Variants in EPHA3 observed in about 807,000 individuals in gnomAD.
The protein encoded by EPHA3 is EPH receptor A3.
EPHA3 carries 42 observed loss-of-function variants against 107.1 expected under a neutral mutation model. That is an observed-to-expected ratio of 0.39 (90% CI 0.31 to 0.51). The LOEUF is 0.51. Ranked by LOEUF, EPHA3 falls within the 20% of genes least tolerant of loss-of-function variation. The probability of loss-of-function intolerance (pLI) is 0.78; values close to 1 mark genes in which losing one functional copy is unlikely to be tolerated. For synonymous variants in EPHA3, 461 were observed against 424.8 expected, an observed-to-expected ratio of 1.09 and a Z score of -1.05; for missense variants, 1,183 against 1,211.2, an observed-to-expected ratio of 0.98 and a Z score of 0.35.
chr3:89,143,978 C>G (rs1704484161), intron 2 of EPHA3, among the ~76,000 whole-genome samples: 1 of 151,494 alleles, frequency 6.6e-6, no homozygotes, highest in Non-Finnish European at 1.5e-5. Flanking sequence ...ACAGAGAGTT[C>G]ACATATATTC....
chr3:89,325,812 T>C (rs1464615454), intron 3 of EPHA3, among the ~76,000 whole-genome samples: 1 of 151,990 alleles, frequency 6.6e-6, no homozygotes, highest in African/African-American at 2.4e-5. Flanking sequence ...TTCTTTTCTA[T>C]GCCAACTTAA....
chr3:89,270,986 TTAA>T (rs1246456006), intron 3 of EPHA3, among the ~76,000 whole-genome samples: 2 of 152,088 alleles, frequency 1.3e-5, no homozygotes, highest in Admixed American at 6.6e-5. Flanking sequence ...GGGATTGGTC[TTAA>T]TAATACTTTT....
At chr3:89,218,597 ACGTTTGCATG>A in intron 3 of EPHA3, among the ~76,000 whole-genome samples, 1 of 152,144 alleles carries the variant, frequency 6.6e-6, no homozygotes, top group Non-Finnish European at 1.5e-5. Flanking sequence ...CAATAAACAT[ACGTTTGCATG>A]TGTCTTTATA....
intron 3 of EPHA3, among the ~76,000 whole-genome samples, chr3:89,313,219 T>C (rs1019222211): frequency 3.3e-5 from 5 of 152,052 alleles, no homozygotes; most frequent in African/African-American, 1.2e-4. Flanking sequence ...TATTTTTGTT[T>C]CTAAATTTAA....
rs929829692 is a variant in EPHA3 at position 89,468,284 on chromosome 3, C to T, written c.2691-4180C>T. 2.6e-5 allele frequency among the ~76,000 whole-genome samples: 4 copies of T among 151,402 alleles called. No homozygotes were observed. The East Asian group carries it at 7.8e-4, about 30-fold the overall frequency. ...TTTTTTGTCTTGGATGCACTTTGAT[C>T]CAAGTCATAAACAGACAAACTCAGT... is the stretch of plus-strand genomic sequence containing the variant. On this transcript the variant is annotated intron_variant, in intron 15 of 16. Transcript: ENST00000336596.
chr3:89,131,227 G>C (rs904014051), intron 2 of EPHA3, among the ~76,000 whole-genome samples: 1 of 152,106 alleles, frequency 6.6e-6, no homozygotes, highest in African/African-American at 2.4e-5. Flanking sequence ...GCAGACTGAA[G>C]CAGTTACCTT....
intron 15 of EPHA3, among the ~76,000 whole-genome samples, chr3:89,454,141 G>T (rs1011520453): frequency 6.6e-6 from 1 of 152,084 alleles, no homozygotes. Context: ...TTATAAAAAT[G>T]CCAGGTGATT....
intron 6 of EPHA3, 43 bp from the exon 7 acceptor site, chr3:89,399,275 G>A: frequency 6.4e-7 from 1 of 1,560,664 alleles, no homozygotes; most frequent in Non-Finnish European, 8.8e-7. Context: ...ATAGCATTAT[G>A]AAGATTTGAT....
intron 3 of EPHA3, among the ~76,000 whole-genome samples, chr3:89,228,522 T>C (rs1243791183): frequency 6.6e-6 from 1 of 151,954 alleles, no homozygotes; most frequent in Non-Finnish European, 1.5e-5. Flanking sequence ...ATTTTGTGTG[T>C]AGAATAATTA....
At chr3:89,373,115 G>T (rs1295336767) in intron 5 of EPHA3, among the ~76,000 whole-genome samples, 2 of 151,796 alleles carry the variant, frequency 1.3e-5, no homozygotes, top group Non-Finnish European at 2.9e-5. Flanking sequence ...ACGCCATAGA[G>T]TATTGTACTT....
At chr3:89,307,420 T>G (rs1706649462) in intron 3 of EPHA3, among the ~76,000 whole-genome samples, 1 of 152,282 alleles carries the variant, frequency 6.6e-6, no homozygotes, top group African/African-American at 2.4e-5. Context: ...GTTTAAAGGC[T>G]TAATTATTCA....
At chr3:89,244,271 T>A (rs1394663833) in intron 3 of EPHA3, among the ~76,000 whole-genome samples, 1 of 152,036 alleles carries the variant, frequency 6.6e-6, no homozygotes, top group African/African-American at 2.4e-5. Context: ...TTTTAGAAAA[T>A]CTGAATGAAA....
intron 2 of EPHA3, among the ~76,000 whole-genome samples, chr3:89,141,702 T>C (rs1704435348): frequency 6.6e-6 from 1 of 151,568 alleles, no homozygotes; most frequent in African/African-American, 2.4e-5. Context: ...AGAACTTCAA[T>C]GAAACTTTAA....
chr3:89,467,608 T>C (rs1369733696), intron 15 of EPHA3, among the ~76,000 whole-genome samples: 1 of 152,210 alleles, frequency 6.6e-6, no homozygotes, highest in African/African-American at 2.4e-5. Context: ...TATTGAGCTT[T>C]TTCCCCAGTA....
chr3:89,139,694 C>A (rs577523172), intron 2 of EPHA3, among the ~76,000 whole-genome samples: 1 of 151,704 alleles, frequency 6.6e-6, no homozygotes, highest in Admixed American at 6.6e-5. Flanking sequence ...GTGCAATACT[C>A]TAATTAGATA....
rs531563474 is a variant in EPHA3, at chr3:89,341,071, C to G, written c.970C>G (p.Arg324Gly). Residue 324 changes from arginine to glycine, a missense_variant and splice_region_variant, in exon 4 of 17, where the codon CGA (arginine) becomes GGA (glycine). Physicochemically the swap from Arg to Gly is moderately radical, Grantham distance 125. Coordinates refer to ENST00000336596, the MANE Select transcript of EPHA3 (RefSeq NM_005233.6). ...DKDPPSMACT[R>G]PPSSPRNVIS... Reference sequence around the variant, plus strand: ...AGACCCTCCATCCATGGCTTGTACCCGTGAGTAGTTTTGCTGCAACCCATG... The same window carrying G: ...AGACCCTCCATCCATGGCTTGTACCGGTGAGTAGTTTTGCTGCAACCCATG... 7.4e-6 allele frequency: 12 copies of G among 1,611,478 alleles called. No homozygotes were observed. Among genetic ancestry groups the G allele is most frequent in the South Asian group, 3.3e-5 (3 of 90,598 alleles).
chr3:89,339,391 G>A (rs368455606), intron 3 of EPHA3, among the ~76,000 whole-genome samples: 302 of 121,624 alleles, frequency 2.5e-3, no homozygotes, highest in African/African-American at 3.9e-3. Flanking sequence ...AAAAAAAAAA[G>A]AAAGAAAGAA....
At chr3:89,422,942 A>G (rs1280558667) in intron 11 of EPHA3, among the ~76,000 whole-genome samples, 1 of 151,314 alleles carries the variant, frequency 6.6e-6, no homozygotes, top group African/African-American at 2.4e-5. Flanking sequence ...AAGTAGCAGA[A>G]AGCGGGGGGC....
intron 3 of EPHA3, among the ~76,000 whole-genome samples, chr3:89,281,926 C>T (rs1365974675): frequency 1.3e-5 from 2 of 152,132 alleles, no homozygotes; most frequent in Admixed American, 6.6e-5. Context: ...CTTTCAACAC[C>T]TATTTTTAAC....
Sources: gnomAD v4.1 joint callset for allele counts (sites outside exome capture counted in the v4.1 genomes callset) on GRCh38, gnomAD v4.1.1 for gene constraint, MANE v1.5 for transcripts, NCBI Gene and HGNC (gene_info 2026-07-23, HGNC 2026-07-21) for gene names.